Variants in GALK2 observed in about 807,000 individuals in gnomAD.
GALK2 encodes galactokinase 2, also known as N-acetylgalactosamine kinase.
In GALK2, 36 loss-of-function variants were observed where a neutral mutation model predicts 52.4. The observed-to-expected ratio is 0.69, with a 90% CI of 0.53 to 0.91. GALK2 has a LOEUF of 0.91. GALK2 is among the 40% of genes least tolerant of loss of function. The pLI is 0.00. For synonymous variants in GALK2, 176 were observed against 199.1 expected, an observed-to-expected ratio of 0.88 and a Z score of 0.98; for missense variants, 579 against 559.1, an observed-to-expected ratio of 1.04 and a Z score of -0.36.
intron 9 of GALK2, 102 bp downstream of exon 9, chr15:49,319,907 T>A: frequency 1.0e-6 from 1 of 973,324 alleles, no homozygotes; most frequent in Non-Finnish European, 1.5e-6. Flanking sequence ...TGAAGATCAT[T>A]CCCCACTTCC....
At chr15:49,322,696 A>G (rs767565203) in intron 9 of GALK2, among the ~76,000 whole-genome samples, 24 of 152,118 alleles carry the variant, frequency 1.6e-4, no homozygotes, top group Admixed American at 8.5e-4. Flanking sequence ...AATTGCTCAC[A>G]CCTGTAATCC....
chr15:49,228,893 C>T (rs1049826865), intron 3 of GALK2, among the ~76,000 whole-genome samples: 1 of 150,928 alleles, frequency 6.6e-6, no homozygotes, highest in African/African-American at 2.4e-5. Context: ...TGGTGTTTCA[C>T]CATGTTGGAT....
intron 3 of GALK2, among the ~76,000 whole-genome samples, chr15:49,227,450 G>C (rs990196027): frequency 6.6e-6 from 1 of 151,140 alleles, no homozygotes; most frequent in Admixed American, 6.6e-5. Context: ...GGCTATTCCT[G>C]CTTGCTTTTG....
At chr15:49,289,514 T>TGTCTGGGA (rs1331369043) in intron 7 of GALK2, among the ~76,000 whole-genome samples, 1 of 152,208 alleles carries the variant, frequency 6.6e-6, no homozygotes, top group Non-Finnish European at 1.5e-5. Context: ...TTTTTGTTTG[T>TGTCTGGGA]GTCTGGGACA....
At chr15:49,262,696 G>A (rs1419483728) in intron 5 of GALK2, among the ~76,000 whole-genome samples, 7 of 147,282 alleles carry the variant, frequency 4.8e-5, no homozygotes, top group Non-Finnish European at 1.0e-4. Context: ...GCTTTCTCTT[G>A]TGGGCATTTA....
intron 3 of GALK2, chr15:49,366,784 G>A (rs1596602957): frequency 1.7e-6 from 1 of 604,254 alleles, no homozygotes; most frequent in East Asian, 3.1e-5. Flanking sequence ...GGGGCGGCCG[G>A]GCTAGGCTGG....
At chr15:49,195,127 A>G (rs1027624541) in intron 1 of GALK2, 1 of 452,130 alleles carries the variant, frequency 2.2e-6, no homozygotes, top group Non-Finnish European at 4.4e-6. Context: ...CTAGAGTGCA[A>G]GTGGCACGAT....
At chr15:49,353,717 G>T (rs2042605525) in intron 3 of GALK2, 1 of 151,542 alleles carries the variant, frequency 6.6e-6, no homozygotes, top group Non-Finnish European at 1.5e-5. Context: ...AGGACTGAGG[G>T]AAAAAAGATA....
intron 1 of GALK2, among the ~76,000 whole-genome samples, chr15:49,186,923 A>G (rs2086393609): frequency 6.6e-6 from 1 of 152,188 alleles, no homozygotes; most frequent in Non-Finnish European, 1.5e-5. Flanking sequence ...CACTCTGGGA[A>G]TGGCCACTGG....
At position 49,257,482 on chromosome 15, in the gene GALK2, T is replaced by G. The variant is rs990961722; in HGVS notation, c.504+18115T>G. On this transcript the variant is annotated intron_variant, in intron 5 of 9. Transcript: ENST00000560031. ...AAAGGCATAAATATCTCTGGATGCA[T>G]GTGGAAACCTCTCTTTTATCCCTGA... is the stretch of plus-strand genomic sequence containing the variant. 8.5e-5 allele frequency among the ~76,000 whole-genome samples: 13 copies of G among 152,308 alleles called. No homozygotes were observed. The East Asian group carries it at 2.5e-3, about 29-fold the overall frequency.
intron 1 of GALK2, among the ~76,000 whole-genome samples, chr15:49,199,793 A>T (rs1224418374): frequency 6.6e-6 from 1 of 152,174 alleles, no homozygotes; most frequent in Non-Finnish European, 1.5e-5. Flanking sequence ...AGAGGTTCAC[A>T]GAAGTAGGTG....
chr15:49,264,064 C>T (rs1033137176), intron 5 of GALK2, among the ~76,000 whole-genome samples: 11 of 151,850 alleles, frequency 7.2e-5, no homozygotes, highest in African/African-American at 2.4e-5. Context: ...TTGCTCTTCT[C>T]GAGGAGTATC....
At chr15:49,365,776 C>CA in intron 3 of GALK2, 1 of 852,484 alleles carries the variant, frequency 1.2e-6, no homozygotes, top group Non-Finnish European at 2.0e-6. Context: ...AAACACAGCC[C>CA]AAACAATAGC....
chr15:49,278,183 C>T (rs1053249625), intron 5 of GALK2, among the ~76,000 whole-genome samples: 1 of 152,178 alleles, frequency 6.6e-6, no homozygotes, highest in Admixed American at 6.5e-5. Flanking sequence ...ATGGCGTGAA[C>T]CCGGGAGGCG....
chr15:49,299,854 T>G (rs2034948794), intron 8 of GALK2, among the ~76,000 whole-genome samples: 1 of 151,530 alleles, frequency 6.6e-6, no homozygotes, highest in South Asian at 2.1e-4. Context: ...TGAGAATTAC[T>G]TTATGGCTGG....
At position 49,239,330 on chromosome 15, in the gene GALK2, T is replaced by G; in HGVS notation, c.467T>G (p.Leu156Trp). The change falls in exon 5 of 10, where the codon TTG becomes TGG. Residue 156 changes from leucine to tryptophan, a missense_variant. Leu to Trp is a moderately conservative substitution (Grantham distance 61). Transcript: ENST00000560031. Reference sequence around the variant, plus strand: ...AGTGCTTTGGTCTGTTGTGCTGGCTTGGTGACGCTCACAGTGCTGGGAAGG... The same window carrying G: ...AGTGCTTTGGTCTGTTGTGCTGGCTGGGTGACGCTCACAGTGCTGGGAAGG... ...SSSALVCCAG[L>W]VTLTVLGRNL... 1 of 1,614,152 alleles carries G rather than the reference T, an allele frequency of 6.2e-7. No homozygotes were observed. The highest frequency in any genetic ancestry group is 1.1e-5 in the South Asian group (1 of 91,082).
chr15:49,358,194 C>A (rs1331906626), intron 3 of GALK2, among the ~76,000 whole-genome samples: 2 of 149,722 alleles, frequency 1.3e-5, no homozygotes, highest in Non-Finnish European at 3.0e-5. Flanking sequence ...GGGATGCCCT[C>A]CTCACCACTC....
In GALK2 at chr15:49,239,266, G is replaced by C; in HGVS notation, c.403G>C (p.Asp135His). The change falls in exon 5 of 10, where the codon GAT (aspartate) becomes CAT (histidine). Residue 135 changes from aspartate (D) to histidine (H), a missense_variant. Physicochemically the swap from Asp to His is moderately conservative, Grantham distance 81 (BLOSUM62 -1). Coordinates refer to ENST00000560031, the MANE Select transcript of GALK2 (RefSeq NM_002044.4). Reference sequence around the variant, plus strand: ...CCTGACTGGAATGAACTGCCTGGTAGATGGAAATATCCCACCAAGTTCTGG... The same window carrying C: ...CCTGACTGGAATGAACTGCCTGGTACATGGAAATATCCCACCAAGTTCTGG... ...SNLTGMNCLV[D>H]GNIPPSSGLS... 6.2e-7 allele frequency: 1 copy of C among 1,614,140 alleles called. No homozygotes were observed. Among genetic ancestry groups the C allele is most frequent in the Admixed American group, 1.7e-5 (1 of 60,030 alleles).
At chr15:49,208,016 A>T (rs995174091) in intron 2 of GALK2, among the ~76,000 whole-genome samples, 1 of 151,844 alleles carries the variant, frequency 6.6e-6, no homozygotes, top group Admixed American at 6.6e-5. Context: ...CAGGTGGTCC[A>T]CCCGCCTCAG....
Sources: gnomAD v4.1 joint callset for allele counts (sites outside exome capture counted in the v4.1 genomes callset) on GRCh38, gnomAD v4.1.1 for gene constraint, MANE v1.5 for transcripts, NCBI Gene and HGNC (gene_info 2026-07-23, HGNC 2026-07-21) for gene names.